Variants in EP300 observed in about 807,000 individuals in gnomAD.
The protein encoded by EP300 is histone acetyltransferase p300.
EP300 carries 31 observed loss-of-function variants against 264.0 expected under a neutral mutation model. The ratio of observed to expected loss-of-function variants is 0.12; its 90% CI spans 0.09 to 0.16. EP300 has a LOEUF of 0.16. EP300 is among the 10% of genes least tolerant of loss of function. The pLI is 1.00. For missense variants in EP300, 2,766 were observed against 3,052.9 expected, an observed-to-expected ratio of 0.91 and a Z score of 2.21; for synonymous variants, 1,340 against 1,045.4, an observed-to-expected ratio of 1.28 and a Z score of -5.44.
rs746398873 is a variant in EP300, at chr22:41,135,856, G to A, written c.1572G>A (p.Thr524=). ...MGVNGGVGVQ[T]PSLLSDSMLH... ...TAAATGGAGGTGTAGGAGTTCAAAC[G>A]CCGAGTCTTCTTTCTGACTCAATGT... is the stretch of plus-strand genomic sequence containing the variant. Residue 524 remains threonine (T), a synonymous_variant, in exon 7 of 31, where the codon ACG becomes ACA. Transcript: ENST00000263253. 401 of 1,613,974 alleles carry A rather than the reference G, an allele frequency of 2.5e-4. No homozygotes were observed. Among genetic ancestry groups the A allele is most frequent in the South Asian group, 4.5e-4 (41 of 91,082 alleles).
intron 16 of EP300, among the ~76,000 whole-genome samples, chr22:41,154,136 T>C (rs1454474848): frequency 6.6e-6 from 1 of 152,206 alleles, no homozygotes. Flanking sequence ...TGTTCTCTCT[T>C]CTTTTAAACT....
chr22:41,157,512 CTT>C (rs1214250106), intron 18 of EP300, 104 bp downstream of exon 18: 16,051 of 426,460 alleles, frequency 0.038, no homozygotes, highest in East Asian at 0.056. Flanking sequence ...TTTGACATGG[CTT>C]TTTTTTTTTT....
chr22:41,173,025 C>T (rs2059179772), intron 28 of EP300, among the ~76,000 whole-genome samples: 1 of 152,172 alleles, frequency 6.6e-6, no homozygotes, highest in Non-Finnish European at 1.5e-5. Flanking sequence ...TAAAAACACA[C>T]TCTTTTTAAA....
intron 1 of EP300, among the ~76,000 whole-genome samples, chr22:41,114,383 A>AT (rs897797921): frequency 8.6e-5 from 13 of 151,982 alleles, no homozygotes; most frequent in Non-Finnish European, 1.9e-4. Context: ...GGTTTTCTCC[A>AT]TGTTGCCCAG....
chr22:41,155,753 C>T (rs1161683618), intron 17 of EP300, among the ~76,000 whole-genome samples: 11 of 152,156 alleles, frequency 7.2e-5, no homozygotes, highest in Admixed American at 7.2e-4. Flanking sequence ...CAGGACGTTC[C>T]TTAGCATAAT....
chr22:41,178,433 A>G lies in EP300; in HGVS notation c.6722A>G (p.Gln2241Arg). 6.2e-7 allele frequency: 1 copy of G among 1,614,176 alleles called. No individual in the cohort carries two copies. The highest frequency in any genetic ancestry group is 8.5e-7 in the Non-Finnish European group (1 of 1,180,022). ...MQQMQQGNMG[Q>R]IGQLPQALGA... is the part of the protein sequence containing the mutation. ...CAGATGCAACAAGGAAATATGGGAC[A>G]GATAGGCCAGCTTCCCCAGGCCTTG... The change falls in exon 31 of 31, where the codon CAG (glutamine) becomes CGG (arginine). Residue 2241 changes from glutamine to arginine, a missense_variant. Coordinates refer to ENST00000263253, the MANE Select transcript of EP300 (RefSeq NM_001429.4).
intron 1 of EP300, among the ~76,000 whole-genome samples, chr22:41,110,906 T>C (rs866144391): frequency 6.6e-6 from 1 of 152,130 alleles, no homozygotes; most frequent in African/African-American, 2.4e-5. Flanking sequence ...GCCTTTACTT[T>C]TGAGTTTACA....
chr22:41,095,021 A>T lies in EP300; in HGVS notation c.94+1923A>T, dbSNP rs1369172577. Among the ~76,000 whole-genome samples, 3 of 152,120 alleles carry T rather than the reference A, an allele frequency of 2.0e-5. No individual in the cohort carries two copies. The South Asian group carries it at 6.2e-4, about 32-fold the overall frequency. ...ACTCAACATTGAGATTAATTCATTC[A>T]CTCATAATGCTAAGAGTTTATCTTA... On this transcript the variant is annotated intron_variant, in intron 1 of 30. Coordinates refer to ENST00000263253, the MANE Select transcript of EP300 (RefSeq NM_001429.4).
In EP300 at chr22:41,168,844, T is replaced by C. The variant is rs1034313445; in HGVS notation, c.4149T>C (p.Ser1383=). 11 of 1,614,102 alleles carry C rather than the reference T, an allele frequency of 6.8e-6. No individual in the cohort carries two copies. The African/African-American group carries it at 1.5e-4, about 22-fold the overall frequency. ...GCATGCATGTTCAAGAGTATGGCTC[T>C]GACTGCCCTCCACCCAACCAGAGGT... ...FFGMHVQEYG[S]DCPPPNQRRV... is the part of the protein sequence containing the mutation. Residue 1383 remains serine, a synonymous_variant, in exon 25 of 31, where the codon TCT becomes TCC. Transcript: ENST00000263253.
chr22:41,129,911 G>A lies in EP300; in HGVS notation c.1190G>A (p.Arg397Gln), dbSNP rs2145713455. The A allele has an allele frequency of 2.5e-6, 4 of 1,613,748 alleles. No individual in the cohort carries two copies. Among genetic ancestry groups the A allele is most frequent in the African/African-American group, 1.3e-5 (1 of 74,966 alleles). ...SCQVAHCASS[R>Q]QIISHWKNCT... ...TTAGTGGCACACTGTGCATCTTCTC[G>A]ACAAATCATTTCACACTGGAAGAAT... Residue 397 changes from arginine (R) to glutamine (Q), a missense_variant, in exon 5 of 31, where the codon CGA becomes CAA. By Grantham distance (43) the Arg-to-Gln change is conservative. Coordinates refer to ENST00000263253, the MANE Select transcript of EP300 (RefSeq NM_001429.4).
chr22:41,113,012 G>T (rs932582334), intron 1 of EP300, among the ~76,000 whole-genome samples: 3 of 151,810 alleles, frequency 2.0e-5, no homozygotes, highest in African/African-American at 7.3e-5. Context: ...TCAGTAAAAA[G>T]GATTTATTTT....
Position 41,178,058 on chromosome 22 carries a change from C to T in EP300, c.6347C>T (p.Pro2116Leu), listed in dbSNP as rs2059213201. The T allele has an allele frequency of 6.2e-7, 1 of 1,614,154 alleles. No individual in the cohort carries two copies. Among genetic ancestry groups the T allele is most frequent in the Non-Finnish European group, 8.5e-7 (1 of 1,180,024 alleles). The change falls in exon 31 of 31, where the codon CCT becomes CTT. Residue 2116 changes from proline to leucine, a missense_variant. Physicochemically the swap from Pro to Leu is moderately conservative, Grantham distance 98. Transcript: ENST00000263253. ...MPQGQPGLQP[P>L]TMPGQQGVHS... ...CAGGGGCAGCCAGGGCTACAGCCAC[C>T]TACCATGCCAGGTCAGCAGGGGGTC... is the stretch of plus-strand genomic sequence containing the variant.
Position 41,128,410 on chromosome 22 carries a change from G to A in EP300, c.1168+662G>A, listed in dbSNP as rs1047372069. ...AAGAGGGCAGGGGTTGGTGTGATTC[G>A]ACATCATACCACTGCACTCCAGCCT... On this transcript the variant is annotated intron_variant, in intron 4 of 30. Coordinates refer to ENST00000263253, the MANE Select transcript of EP300 (RefSeq NM_001429.4). 9.9e-5 allele frequency among the ~76,000 whole-genome samples: 15 copies of A among 151,304 alleles called. No individual in the cohort carries two copies. In the South Asian group the frequency reaches 1.0e-3, roughly 10 times the overall value.
At position 41,092,820 on chromosome 22, in the gene EP300, A is replaced by G. The variant is rs1002001616; in HGVS notation, c.-185A>G. ...CCTCGCACTTGCCCTTACCTTTTCTATCGAGTCCGCATCCCTCTCCAGCCA... is the reference window on the plus strand; with the variant it reads ...CCTCGCACTTGCCCTTACCTTTTCTGTCGAGTCCGCATCCCTCTCCAGCCA... On this transcript the variant is annotated 5_prime_UTR_variant, in exon 1 of 31. Transcript: ENST00000263253. 8 of 702,908 alleles carry G rather than the reference A, an allele frequency of 1.1e-5. No homozygotes were observed. The highest frequency in any genetic ancestry group is 2.0e-5 in the Non-Finnish European group (8 of 390,440). The allele number at this position is 702,908 out of a possible 1,614,324, so 43.5% of individuals were successfully genotyped here.
chr22:41,162,624 A>C (rs1411951302), intron 20 of EP300, 99 bp from the exon 21 acceptor site: 1 of 908,664 alleles, frequency 1.1e-6, no homozygotes, highest in East Asian at 2.5e-5. Context: ...AAAAAACCTG[A>C]ATCTCTATAT....
rs1350707827 is a variant in EP300 at position 41,150,076 on chromosome 22, C to T, written c.2695C>T (p.Pro899Ser). The T allele has an allele frequency of 5.6e-6, 9 of 1,613,734 alleles. No homozygotes were observed. In the African/African-American group the frequency reaches 1.1e-4, roughly 19 times the overall value. The change falls in exon 14 of 31, where the codon CCT becomes TCT. Residue 899 changes from proline to serine, a missense_variant. Transcript: ENST00000263253. ...AACACAACTTCCCCAACAAGTGCAG[C>T]CTTCACTTCCTGCTGCACCTTCTGC... ...PTTQLPQQVQ[P>S]SLPAAPSADQ...
At chr22:41,154,100 GTC>G (rs1419860911) in intron 16 of EP300, among the ~76,000 whole-genome samples, 2 of 152,132 alleles carry the variant, frequency 1.3e-5, no homozygotes, top group Non-Finnish European at 2.9e-5. Context: ...GATCAACTAA[GTC>G]TATTATTTTA....
At chr22:41,109,932 G>C (rs1332080550) in intron 1 of EP300, among the ~76,000 whole-genome samples, 1 of 151,376 alleles carries the variant, frequency 6.6e-6, no homozygotes, top group Non-Finnish European at 1.5e-5. Flanking sequence ...TCCTGCCCCG[G>C]CCTCCTGAGT....
rs1182191513 is a variant in EP300, at chr22:41,176,640, G to A, written c.5061+112G>A. On this transcript the variant is annotated intron_variant, in intron 30 of 30. Coordinates refer to ENST00000263253, the MANE Select transcript of EP300 (RefSeq NM_001429.4). ...TGGGATGCTAGGGGCTTGGCCTCGT[G>A]TTTGAGGGGCAGAGCTGAAGAGGCT... The A allele has an allele frequency of 3.7e-6, 6 of 1,608,104 alleles. No individual in the cohort carries two copies. In the East Asian group the frequency reaches 1.3e-4, roughly 36 times the overall value.
Sources: gnomAD v4.1 joint callset for allele counts (sites outside exome capture counted in the v4.1 genomes callset) on GRCh38, gnomAD v4.1.1 for gene constraint, MANE v1.5 for transcripts, NCBI Gene and HGNC (gene_info 2026-07-23, HGNC 2026-07-21) for gene names.